CREB3L3: variants seen among roughly 807,000 people sequenced by gnomAD.
The protein encoded by CREB3L3 is cyclic AMP-responsive element-binding protein 3-like protein 3.
CREB3L3 carries 40 observed loss-of-function variants against 44.6 expected under a neutral mutation model. That is an observed-to-expected ratio of 0.90 (90% CI 0.70 to 1.17). CREB3L3 has a LOEUF of 1.17. Ranked by LOEUF, CREB3L3 falls within the 50% of genes most tolerant of loss-of-function variation. CREB3L3 has a pLI of 0.00. For synonymous variants in CREB3L3, 273 were observed against 256.3 expected (o/e 1.06, Z -0.62); for missense variants, 578 against 595.8 (o/e 0.97, Z 0.31).
chr19:4,167,461 G>GGAAA (rs72118551), intron 5 of CREB3L3, among the ~76,000 whole-genome samples: 13,230 of 133,122 alleles, frequency 0.099, 1,177 homozygotes, highest in East Asian at 0.37. Context: ...AAGAAAAGAA[G>GGAAA]GAAAGAAAGG....
At chr19:4,168,243 C>G (rs1179203904) in intron 5 of CREB3L3, 108 bp from the exon 6 acceptor site, 1 of 743,442 alleles carries the variant, frequency 1.3e-6, no homozygotes. Flanking sequence ...AGGTGATACG[C>G]CTGCCTCGGC....
chr19:4,168,940 G>A (rs145000602), intron 6 of CREB3L3, among the ~76,000 whole-genome samples: 1 of 152,064 alleles, frequency 6.6e-6, no homozygotes, highest in African/African-American at 2.4e-5. Flanking sequence ...TCACTGTGTT[G>A]CCCAGGCTAG....
In CREB3L3 at chr19:4,155,052, C is replaced by T. The variant is rs767840124; in HGVS notation, c.156+25C>T. ...GGTGAGGAGTCCACTGCAGTTGCCC[C>T]GGGACCACAGAGCTCCAGGCGGGCC... is the stretch of plus-strand genomic sequence containing the variant. On this transcript the variant is annotated intron_variant, in intron 2 of 9. Coordinates refer to ENST00000078445, the MANE Select transcript of CREB3L3 (RefSeq NM_032607.3). The T allele has an allele frequency of 4.6e-5, 73 of 1,601,488 alleles. No homozygotes were observed. In the Middle Eastern group the frequency reaches 6.9e-4, roughly 15 times the overall value.
At chr19:4,154,604 G>A (rs2041548733) in intron 1 of CREB3L3, among the ~76,000 whole-genome samples, 1 of 151,884 alleles carries the variant, frequency 6.6e-6, no homozygotes, top group Non-Finnish European at 1.5e-5. Flanking sequence ...GAACTCCTGG[G>A]CTCAAGTGAT....
chr19:4,154,335 G>A (rs972441218), intron 1 of CREB3L3, among the ~76,000 whole-genome samples: 3 of 152,044 alleles, frequency 2.0e-5, no homozygotes, highest in African/African-American at 7.2e-5. Flanking sequence ...GCTTCCCAGA[G>A]TGCTGGGATT....
intron 3 of CREB3L3, 45 bp from the exon 4 acceptor site, chr19:4,159,619 C>A (rs775572857): frequency 7.9e-6 from 7 of 890,026 alleles, no homozygotes; most frequent in South Asian, 1.3e-5. Flanking sequence ...AGGACTCCCC[C>A]CGTCTGACAC....
In CREB3L3 at chr19:4,157,219, T is replaced by C. The variant is rs1181023349; in HGVS notation, c.381T>C (p.His127=). 1 of 1,614,040 alleles carries C rather than the reference T, an allele frequency of 6.2e-7. No homozygotes were observed. Among genetic ancestry groups the C allele is most frequent in the East Asian group, 2.2e-5 (1 of 44,880 alleles). The change falls in exon 3 of 10, where the codon CAT becomes CAC. Residue 127 remains histidine, a synonymous_variant. Transcript: ENST00000078445. ...QPGKGPCLSY[H]PGNSCSTTTP... is the part of the protein sequence containing the mutation. ...GCAAGGGGCCCTGCCTCTCCTATCATCCTGGCAACTCTTGCTCCACCACAA... is the reference window on the plus strand; with the variant it reads ...GCAAGGGGCCCTGCCTCTCCTATCACCCTGGCAACTCTTGCTCCACCACAA...
At chr19:4,155,896 C>T (rs1036188720) in intron 2 of CREB3L3, among the ~76,000 whole-genome samples, 8 of 150,688 alleles carry the variant, frequency 5.3e-5, no homozygotes, top group East Asian at 4.0e-4. Flanking sequence ...TACAGGCAGC[C>T]GCCACCACGC....
At chr19:4,158,451 C>T (rs2145122186) in intron 3 of CREB3L3, among the ~76,000 whole-genome samples, 1 of 152,028 alleles carries the variant, frequency 6.6e-6, no homozygotes, top group East Asian at 1.9e-4. Flanking sequence ...GAGCTGAGAT[C>T]ATGCCACTGC....
intron 5 of CREB3L3, among the ~76,000 whole-genome samples, chr19:4,166,593 G>A (rs1966912279): frequency 6.8e-6 from 1 of 147,034 alleles, no homozygotes; most frequent in African/African-American, 2.5e-5. Context: ...ACAGGGTCTT[G>A]CTATGTTGCC....
intron 6 of CREB3L3, among the ~76,000 whole-genome samples, chr19:4,169,328 A>T (rs1966991678): frequency 6.6e-6 from 1 of 151,702 alleles, no homozygotes; most frequent in Non-Finnish European, 1.5e-5. Context: ...AAATCCAAAA[A>T]AATTAACTGG....
At chr19:4,159,275 C>T (rs992914705) in intron 3 of CREB3L3, among the ~76,000 whole-genome samples, 7 of 151,978 alleles carry the variant, frequency 4.6e-5, no homozygotes, top group Admixed American at 2.6e-4. Flanking sequence ...CTCAGCCTCC[C>T]GAGCAGCTGG....
At chr19:4,170,942 T>C (rs1226429084) in intron 7 of CREB3L3, 149 bp from the exon 8 acceptor site, 5 of 375,352 alleles carry the variant, frequency 1.3e-5, no homozygotes, top group Non-Finnish European at 2.4e-5. Flanking sequence ...AACAAATAAA[T>C]AAATAAATAA....
rs532598731 is a variant in CREB3L3, at chr19:4,159,705, G to A, written c.499G>A (p.Ala167Thr). ...PGGRICAEKP[A>T]DPVDLSPRCN... is the part of the protein sequence containing the mutation. ...AGGAAGGATCTGTGCTGAGAAGCCG[G>A]CTGATCCGGTGGACCTGTCCCCACG... Residue 167 changes from alanine to threonine, a missense_variant, in exon 4 of 10, where the codon GCT (alanine) becomes ACT (threonine). Transcript: ENST00000078445. 78 of 1,600,230 alleles carry A rather than the reference G, an allele frequency of 4.9e-5. No individual in the cohort carries two copies. In the Middle Eastern group the frequency reaches 5.0e-4, roughly 10 times the overall value.
intron 2 of CREB3L3, 122 bp from the exon 3 acceptor site, chr19:4,156,873 A>G: frequency 2.0e-6 from 2 of 991,910 alleles, no homozygotes; most frequent in South Asian, 2.9e-5. Context: ...GCAGTAACTC[A>G]TCTTGGAGAA....
At chr19:4,156,135 G>GTC (rs373259687) in intron 2 of CREB3L3, among the ~76,000 whole-genome samples, 8 of 81,126 alleles carry the variant, frequency 9.9e-5, no homozygotes, top group African/African-American at 4.0e-4. Context: ...CTCTCTCTCT[G>GTC]TCTCTCTCTC....
chr19:4,171,428 C>A lies in CREB3L3; in HGVS notation c.1021C>A (p.Pro341Thr). 1 of 1,614,126 alleles carries A rather than the reference C, an allele frequency of 6.2e-7. No individual in the cohort carries two copies. Among genetic ancestry groups the A allele is most frequent in the Non-Finnish European group, 8.5e-7 (1 of 1,180,012 alleles). The change falls in exon 9 of 10, where the codon CCT (proline) becomes ACT (threonine). Residue 341 changes from proline (P) to threonine (T), a missense_variant. Transcript: ENST00000078445. This position sits in a 1 kb window ranked among gnomAD's most constrained non-coding sequence, Gnocchi z 4.9. ...CCTCATCATCCTCCCCTCCATCAGC[C>A]CTTTTGGCCCCAACAAAACCGAGAG... ...FALIILPSIS[P>T]FGPNKTESPG...
At chr19:4,165,048 C>CT (rs1242472019) in intron 5 of CREB3L3, among the ~76,000 whole-genome samples, 1 of 152,108 alleles carries the variant, frequency 6.6e-6, no homozygotes, top group East Asian at 1.9e-4. Flanking sequence ...GAATGCTATG[C>CT]TGTGTCTGTC....
intron 3 of CREB3L3, among the ~76,000 whole-genome samples, chr19:4,158,982 G>A (rs1427723671): frequency 6.6e-6 from 1 of 152,070 alleles, no homozygotes; most frequent in Non-Finnish European, 1.5e-5. Flanking sequence ...ATCAGACCTC[G>A]TCCCTGCCCC....
Sources: gnomAD v4.1 joint callset for allele counts (sites outside exome capture counted in the v4.1 genomes callset) on GRCh38, gnomAD v4.1.1 for gene constraint, Gnocchi (gnomAD v3.1) non-coding constraint, MANE v1.5 for transcripts, NCBI Gene and HGNC (gene_info 2026-07-23, HGNC 2026-07-21) for gene names.